SEMA5A: variants seen among roughly 807,000 people sequenced by gnomAD.
The protein encoded by SEMA5A is semaphorin-5A.
SEMA5A carries 55 observed loss-of-function variants against 135.5 expected under a neutral mutation model. That is an observed-to-expected ratio of 0.41 (90% CI 0.33 to 0.51). The LOEUF is 0.51. Ranked by LOEUF, SEMA5A falls within the 20% of genes least tolerant of loss-of-function variation. SEMA5A has a pLI of 0.37. For missense variants in SEMA5A, 1,290 were observed against 1,419.9 expected, an observed-to-expected ratio of 0.91 and a Z score of 1.47; for synonymous variants, 580 against 546.5, an observed-to-expected ratio of 1.06 and a Z score of -0.85.
At chr5:9,286,311 G>C (rs146310834) in intron 5 of SEMA5A, among the ~76,000 whole-genome samples, 105 of 152,130 alleles carry the variant, frequency 6.9e-4, no homozygotes, top group African/African-American at 2.5e-3. Context: ...ACAACATAAA[G>C]GCAAATTTTC....
intron 3 of SEMA5A, among the ~76,000 whole-genome samples, chr5:9,368,517 G>T (rs769439144): frequency 2.0e-5 from 3 of 152,082 alleles, no homozygotes; most frequent in Non-Finnish European, 4.4e-5. Context: ...TAGAATATTT[G>T]CAGCAACTCA....
intron 17 of SEMA5A, among the ~76,000 whole-genome samples, chr5:9,064,228 G>A (rs1446006173): frequency 6.6e-6 from 1 of 152,210 alleles, no homozygotes; most frequent in African/African-American, 2.4e-5. Context: ...CTCATTTTAT[G>A]TGGTCAGAGG....
intron 14 of SEMA5A, among the ~76,000 whole-genome samples, chr5:9,122,297 T>G (rs1192501398): frequency 6.6e-6 from 1 of 152,158 alleles, no homozygotes; most frequent in Non-Finnish European, 1.5e-5. Context: ...CTTGGCTTCT[T>G]CTACCTCCTA....
chr5:9,063,784 C>A (rs962318338), intron 17 of SEMA5A, among the ~76,000 whole-genome samples: 1 of 152,150 alleles, frequency 6.6e-6, no homozygotes, highest in Non-Finnish European at 1.5e-5. Flanking sequence ...AGCAGGTGGG[C>A]TGTGGGGTGA....
At chr5:9,132,354 C>G (rs1246231103) in intron 13 of SEMA5A, among the ~76,000 whole-genome samples, 1 of 152,066 alleles carries the variant, frequency 6.6e-6, no homozygotes, top group Non-Finnish European at 1.5e-5. Flanking sequence ...GAAGTGGAAT[C>G]CTGAAGAGGT....
rs376284375 is a variant in SEMA5A at position 9,303,796 on chromosome 5, A to G, written c.270+14576T>C. On this transcript the variant is annotated intron_variant, in intron 5 of 22. Coordinates refer to ENST00000382496, the MANE Select transcript of SEMA5A (RefSeq NM_003966.3). Reference sequence around the variant, plus strand: ...ACTTAATCAGAATCCAAAGAAACAAAAGACAATCCTTGAAAACTATAAGTT... The same window carrying G: ...ACTTAATCAGAATCCAAAGAAACAAGAGACAATCCTTGAAAACTATAAGTT... Among the ~76,000 whole-genome samples the G allele has an allele frequency of 6.8e-4, 104 of 152,326 alleles. 3 individuals are homozygous for G. The South Asian group carries it at 0.02, about 30-fold the overall frequency.
At chr5:9,504,877 T>A (rs545532631) in intron 1 of SEMA5A, among the ~76,000 whole-genome samples, 1 of 152,356 alleles carries the variant, frequency 6.6e-6, no homozygotes, top group Admixed American at 6.5e-5. Context: ...TTATGTTATA[T>A]CCTCATTTTT....
rs1329548686 is a variant in SEMA5A, at chr5:9,042,972, G to A, written c.3150C>T (p.Tyr1050=). ...TCTTCCCAGTGAGATGTGGGTTGAAGTATTTGTTTCTTTCCTCTAGGATCA... is the reference window on the plus strand; with the variant it reads ...TCTTCCCAGTGAGATGTGGGTTGAAATATTTGTTTCTTTCCTCTAGGATCA... ...NNLILEERNK[Y]FNPHLTGKTY... Residue 1050 remains tyrosine, a synonymous_variant, in exon 23 of 23, where the codon TAC becomes TAT. Coordinates refer to ENST00000382496, the MANE Select transcript of SEMA5A (RefSeq NM_003966.3). The A allele has an allele frequency of 3.1e-6, 5 of 1,612,462 alleles. No homozygotes were observed. Among genetic ancestry groups the A allele is most frequent in the East Asian group, 4.5e-5 (2 of 44,840 alleles).
intron 12 of SEMA5A, among the ~76,000 whole-genome samples, chr5:9,142,070 A>G (rs745472202): frequency 2.0e-5 from 3 of 152,252 alleles, no homozygotes; most frequent in Non-Finnish European, 4.4e-5. Context: ...GCAAACAGAC[A>G]CTGTCACTGA....
At chr5:9,511,174 G>A (rs1449218470) in intron 1 of SEMA5A, among the ~76,000 whole-genome samples, 1 of 152,112 alleles carries the variant, frequency 6.6e-6, no homozygotes, top group Non-Finnish European at 1.5e-5. Flanking sequence ...AACTCTTGGA[G>A]TGATGAATTT....
intron 21 of SEMA5A, among the ~76,000 whole-genome samples, chr5:9,050,067 TAAGAATC>T (rs895757657): frequency 1.8e-4 from 27 of 152,096 alleles, no homozygotes; most frequent in African/African-American, 6.0e-4. Context: ...TTAGAACCCA[TAAGAATC>T]ACCTGCAAGG....
At chr5:9,543,148 A>T (rs903125383) in intron 1 of SEMA5A, among the ~76,000 whole-genome samples, 2 of 152,240 alleles carry the variant, frequency 1.3e-5, no homozygotes, top group African/African-American at 4.8e-5. Context: ...ATTTTGGGCC[A>T]CTAGCACACG....
At chr5:9,118,668 T>C (rs1740644971) in intron 15 of SEMA5A, among the ~76,000 whole-genome samples, 1 of 152,098 alleles carries the variant, frequency 6.6e-6, no homozygotes, top group African/African-American at 2.4e-5. Flanking sequence ...CTGGTTAAAT[T>C]CTCACAAGAG....
chr5:9,291,449 C>T (rs1319756085), intron 5 of SEMA5A, among the ~76,000 whole-genome samples: 1 of 152,182 alleles, frequency 6.6e-6, no homozygotes, highest in East Asian at 1.9e-4. Context: ...GGCCTGGAAG[C>T]TTCATTTCCA....
chr5:9,237,936 A>C (rs778793707), intron 5 of SEMA5A, 46 bp from the exon 6 acceptor site: 13 of 1,571,694 alleles, frequency 8.3e-6, no homozygotes, highest in Admixed American at 1.7e-5. Context: ...TTGACTAAAT[A>C]AAAGGGAAAA....
chr5:9,083,036 T>C (rs995176262), intron 16 of SEMA5A, among the ~76,000 whole-genome samples: 8 of 152,208 alleles, frequency 5.3e-5, no homozygotes, highest in Non-Finnish European at 8.8e-5. Flanking sequence ...TGTAAATAAG[T>C]AGTTAAGATT....
intron 7 of SEMA5A, among the ~76,000 whole-genome samples, chr5:9,225,563 T>C (rs1305570213): frequency 5.4e-5 from 6 of 111,640 alleles, no homozygotes; most frequent in Admixed American, 3.7e-4. Context: ...AGCGAGACTC[T>C]GTCTCAAAAA....
chr5:9,138,496 CAATA>C (rs1741886160), intron 12 of SEMA5A, among the ~76,000 whole-genome samples: 1 of 152,218 alleles, frequency 6.6e-6, no homozygotes, highest in Non-Finnish European at 1.5e-5. Flanking sequence ...CTATTCTTGT[CAATA>C]AATATAGCTC....
At chr5:9,089,169 T>G (rs1326371817) in intron 16 of SEMA5A, among the ~76,000 whole-genome samples, 1 of 152,334 alleles carries the variant, frequency 6.6e-6, no homozygotes, top group South Asian at 2.1e-4. Flanking sequence ...CACTTGCTAT[T>G]TATCACACAG....
Sources: allele counts gnomAD v4.1 joint callset (sites outside exome capture counted in the v4.1 genomes callset), GRCh38; gene constraint gnomAD v4.1.1; transcripts MANE v1.5; gene names NCBI Gene and HGNC (gene_info 2026-07-23, HGNC 2026-07-21).